The following ZNF536 variants were observed in gnomAD, a reference collection of about 807,000 sequenced individuals.
ZNF536 encodes the protein zinc finger protein 536.
A neutral mutation model predicts 84.5 loss-of-function variants in ZNF536; 13 were observed. That is an observed-to-expected ratio of 0.15 (90% CI 0.10 to 0.24). The LOEUF (loss-of-function observed/expected upper bound fraction) is 0.24, where lower values mean the gene tolerates loss of function less well. ZNF536 is among the 10% of genes least tolerant of loss of function. The pLI, the probability that ZNF536 is intolerant of heterozygous loss-of-function variation, is 1.00. For missense variants in ZNF536, 1,536 were observed against 1,747.5 expected, an observed-to-expected ratio of 0.88 and a Z score of 2.16; for synonymous variants, 811 against 742.5, an observed-to-expected ratio of 1.09 and a Z score of -1.50.
At chr19:30,589,054 A>T (rs1434573472) in intron 1 of ZNF536, among the ~76,000 whole-genome samples, 1 of 152,108 alleles carries the variant, frequency 6.6e-6, no homozygotes, top group African/African-American at 2.4e-5. Flanking sequence ...AATCCCCAAG[A>T]GACCTGAGAA....
At chr19:30,571,085 T>C (rs1300753979) in intron 1 of ZNF536, among the ~76,000 whole-genome samples, 1 of 152,222 alleles carries the variant, frequency 6.6e-6, no homozygotes, top group East Asian at 1.9e-4. Flanking sequence ...AGTCAGTCTC[T>C]TTACAGTTAC....
At chr19:30,649,239 C>T (rs1466868388) in intron 1 of ZNF536, among the ~76,000 whole-genome samples, 3 of 152,312 alleles carry the variant, frequency 2.0e-5, no homozygotes, top group Non-Finnish European at 2.9e-5. Flanking sequence ...TTTCCAGAAT[C>T]GGACATTCTG....
chr19:30,444,175 C>T lies in ZNF536; in HGVS notation c.613C>T (p.Arg205Cys), dbSNP rs2148172039. The change falls in exon 2 of 5, where the codon CGC (arginine) becomes TGC (cysteine). Residue 205 changes from arginine (R) to cysteine (C), a missense_variant. Arg to Cys is a radical substitution (Grantham distance 180). Transcript: ENST00000355537. ...ENRLLHELEE[R>C]AILRDKQLKG... ...CCGCCTGCTGCACGAGCTGGAGGAGCGCGCCATCCTGCGGGACAAGCAGCT... is the reference window on the plus strand; with the variant it reads ...CCGCCTGCTGCACGAGCTGGAGGAGTGCGCCATCCTGCGGGACAAGCAGCT... 1 of 1,574,396 alleles carries T rather than the reference C, an allele frequency of 6.4e-7. No individual in the cohort carries two copies.
At chr19:30,230,982 T>C (rs2022996424) in intron 1 of ZNF536, among the ~76,000 whole-genome samples, 1 of 152,210 alleles carries the variant, frequency 6.6e-6, no homozygotes, top group Admixed American at 6.5e-5. Flanking sequence ...TTTTTTTTTT[T>C]TTTTATAAGA....
At chr19:30,523,559 C>T (rs921960325) in intron 2 of ZNF536, among the ~76,000 whole-genome samples, 2 of 152,152 alleles carry the variant, frequency 1.3e-5, no homozygotes, top group African/African-American at 4.8e-5. Context: ...GGACAAGTGG[C>T]GACAAGATGG....
At chr19:30,527,790 T>C (rs2044646881) in intron 2 of ZNF536, among the ~76,000 whole-genome samples, 1 of 152,254 alleles carries the variant, frequency 6.6e-6, no homozygotes, top group Non-Finnish European at 1.5e-5. Flanking sequence ...AGTGTTAAGC[T>C]TTTAACAGTA....
chr19:30,557,034 A>G, intron 4 of ZNF536, 123 bp from the exon 5 acceptor site: 1 of 1,135,674 alleles, frequency 8.8e-7, no homozygotes, highest in East Asian at 2.4e-5. Flanking sequence ...AAATTTTATA[A>G]ATAACACTTT....
intron 1 of ZNF536, among the ~76,000 whole-genome samples, chr19:30,694,916 C>T (rs1286397482): frequency 6.6e-6 from 1 of 152,072 alleles, no homozygotes; most frequent in Non-Finnish European, 1.5e-5. Flanking sequence ...GGGCGTGGTT[C>T]TTGGAGATGT....
intron 2 of ZNF536, among the ~76,000 whole-genome samples, chr19:30,291,968 A>G (rs1199685870): frequency 1.3e-5 from 2 of 152,156 alleles, no homozygotes; most frequent in Admixed American, 1.3e-4. Flanking sequence ...AGGCACTCCT[A>G]TTTGTTTATA....
chr19:30,236,870 G>A (rs1046556241), intron 1 of ZNF536, among the ~76,000 whole-genome samples: 6 of 152,132 alleles, frequency 3.9e-5, no homozygotes, highest in African/African-American at 1.4e-4. Flanking sequence ...GTTCTTTGGC[G>A]ATGGCTGTCT....
At chr19:30,569,904 C>T (rs2046484346) in intron 1 of ZNF536, among the ~76,000 whole-genome samples, 1 of 152,104 alleles carries the variant, frequency 6.6e-6, no homozygotes, top group Admixed American at 6.5e-5. Flanking sequence ...CACAACACAG[C>T]AAATAGCCCC....
intron 1 of ZNF536, among the ~76,000 whole-genome samples, chr19:30,605,972 G>A (rs1389375969): frequency 1.3e-5 from 2 of 151,872 alleles, no homozygotes; most frequent in Non-Finnish European, 1.5e-5. Context: ...AGAGGTGGGA[G>A]GCCAAGAATC....
At chr19:30,671,318 G>T (rs2147727187) in intron 1 of ZNF536, among the ~76,000 whole-genome samples, 1 of 152,348 alleles carries the variant, frequency 6.6e-6, no homozygotes, top group East Asian at 1.9e-4. Context: ...GGGCTTCCCA[G>T]CCAAAGGAGT....
chr19:30,581,664 G>T (rs981026428), intron 1 of ZNF536, among the ~76,000 whole-genome samples: 1 of 151,994 alleles, frequency 6.6e-6, no homozygotes, highest in South Asian at 2.1e-4. Context: ...GTGGGCCAGC[G>T]CAATGGCTCA....
At chr19:30,653,680 T>G (rs1600158816) in intron 1 of ZNF536, among the ~76,000 whole-genome samples, 1 of 146,322 alleles carries the variant, frequency 6.8e-6, no homozygotes, top group Admixed American at 6.6e-5. Flanking sequence ...GGAAGAGAGG[T>G]GGGAGCCGCT....
chr19:30,264,318 G>A (rs1327080914), intron 1 of ZNF536, among the ~76,000 whole-genome samples: 1 of 152,082 alleles, frequency 6.6e-6, no homozygotes, highest in African/African-American at 2.4e-5. Context: ...CGGGTAGCTG[G>A]GAGACAATGC....
chr19:30,460,274 C>G (rs1452687665), intron 2 of ZNF536, among the ~76,000 whole-genome samples: 4 of 152,138 alleles, frequency 2.6e-5, no homozygotes, highest in Non-Finnish European at 4.4e-5. Context: ...TCATCCATCC[C>G]GTGGCCGAAT....
intron 1 of ZNF536, among the ~76,000 whole-genome samples, chr19:30,441,363 CT>C (rs2052038918): frequency 6.6e-6 from 1 of 152,212 alleles, no homozygotes; most frequent in East Asian, 1.9e-4. Flanking sequence ...CTGTATGGGG[CT>C]TGAAGGTGGA....
chr19:30,566,912 A>T (rs901425496), intron 1 of ZNF536, among the ~76,000 whole-genome samples: 7 of 115,014 alleles, frequency 6.1e-5, no homozygotes, highest in African/African-American at 2.4e-4. Flanking sequence ...GGGTCCCCGC[A>T]TGTGGCCTCT....
Sources: gnomAD v4.1 joint callset for allele counts (sites outside exome capture counted in the v4.1 genomes callset) on GRCh38, gnomAD v4.1.1 for gene constraint, MANE v1.5 for transcripts, NCBI Gene and HGNC (gene_info 2026-07-23, HGNC 2026-07-21) for gene names.